RSRC1: variants seen among roughly 807,000 people sequenced by gnomAD.
RSRC1 encodes the protein arginine and serine rich coiled-coil 1, also known as serine/Arginine-related protein 53.
RSRC1 carries 39 observed loss-of-function variants against 49.1 expected under a neutral mutation model. The ratio of observed to expected loss-of-function variants is 0.79; its 90% CI spans 0.61 to 1.04. The LOEUF (loss-of-function observed/expected upper bound fraction) is 1.04. Ranked by LOEUF, RSRC1 falls within the 50% of genes least tolerant of loss-of-function variation. The pLI is 0.00. For synonymous variants in RSRC1, 143 were observed against 130.8 expected, an observed-to-expected ratio of 1.09 and a Z score of -0.63; for missense variants, 388 against 402.4, an observed-to-expected ratio of 0.96 and a Z score of 0.31.
chr3:158,520,652 C>T (rs1711604400), intron 7 of RSRC1, among the ~76,000 whole-genome samples: 1 of 152,140 alleles, frequency 6.6e-6, no homozygotes, highest in Non-Finnish European at 1.5e-5. Context: ...ATCTGGCTGA[C>T]AGGATCAAGC....
At chr3:158,330,227 C>T (rs912365332) in intron 5 of RSRC1, among the ~76,000 whole-genome samples, 1 of 152,184 alleles carries the variant, frequency 6.6e-6, no homozygotes, top group Non-Finnish European at 1.5e-5. Context: ...ACTAGGTGGA[C>T]TGCACCCACT....
chr3:158,133,615 A>G (rs1016750785), intron 3 of RSRC1, among the ~76,000 whole-genome samples: 2 of 152,216 alleles, frequency 1.3e-5, no homozygotes, highest in Admixed American at 6.5e-5. Flanking sequence ...AAATGCAGGC[A>G]TATCTTCAGT....
chr3:158,313,964 A>G (rs886339376), intron 5 of RSRC1, among the ~76,000 whole-genome samples: 1 of 152,208 alleles, frequency 6.6e-6, no homozygotes, highest in African/African-American at 2.4e-5. Flanking sequence ...GACAAAAAAG[A>G]TCTCTAAACA....
At chr3:158,498,108 A>G (rs1368184346) in intron 7 of RSRC1, among the ~76,000 whole-genome samples, 2 of 152,202 alleles carry the variant, frequency 1.3e-5, no homozygotes, top group Non-Finnish European at 2.9e-5. Flanking sequence ...TTGCTGGATC[A>G]AATGGTAGTT....
chr3:158,452,897 T>G (rs115094888), intron 6 of RSRC1, among the ~76,000 whole-genome samples: 3,548 of 152,266 alleles, frequency 0.023, 61 homozygotes, highest in Middle Eastern at 0.044. Flanking sequence ...CACATTCTAG[T>G]TAGGCAAGTA....
chr3:158,195,130 G>C (rs554667454), intron 3 of RSRC1, among the ~76,000 whole-genome samples: 14 of 152,166 alleles, frequency 9.2e-5, no homozygotes, highest in African/African-American at 3.1e-4. Context: ...TAAAAGTGTT[G>C]CTGTTTCTCC....
At chr3:158,302,114 A>C (rs1221843788) in intron 5 of RSRC1, among the ~76,000 whole-genome samples, 1 of 144,326 alleles carries the variant, frequency 6.9e-6, no homozygotes, top group African/African-American at 2.6e-5. Flanking sequence ...CATTATATTT[A>C]TTGTGTTTCT....
intron 4 of RSRC1, chr3:158,276,141 A>G (rs1725796089): frequency 2.2e-6 from 2 of 928,152 alleles, no homozygotes; most frequent in Admixed American, 3.4e-5. Context: ...GCTGTGAGCA[A>G]ACTTTAGCTG....
chr3:158,313,688 A>C (rs573720913), intron 5 of RSRC1, among the ~76,000 whole-genome samples: 2 of 152,376 alleles, frequency 1.3e-5, no homozygotes, highest in East Asian at 3.9e-4. Context: ...AATTTAATCA[A>C]ATATGCCAAC....
intron 6 of RSRC1, among the ~76,000 whole-genome samples, chr3:158,383,500 A>G (rs911258575): frequency 6.7e-5 from 10 of 148,760 alleles, no homozygotes; most frequent in African/African-American, 2.4e-4. Flanking sequence ...GCTGACTAAC[A>G]AGGGAAAATA....
chr3:158,502,792 A>T (rs1739663233), intron 7 of RSRC1, among the ~76,000 whole-genome samples: 1 of 151,742 alleles, frequency 6.6e-6, no homozygotes, highest in Non-Finnish European at 1.5e-5. Flanking sequence ...ATTTCCTTGC[A>T]TTGGGTTTGC....
At chr3:158,156,166 C>T (rs1358385089) in intron 3 of RSRC1, among the ~76,000 whole-genome samples, 1 of 151,894 alleles carries the variant, frequency 6.6e-6, no homozygotes, top group Non-Finnish European at 1.5e-5. Context: ...TCTATCAGCA[C>T]GTACTGCTTC....
intron 5 of RSRC1, among the ~76,000 whole-genome samples, chr3:158,317,750 G>A (rs1464700566): frequency 6.6e-6 from 1 of 151,668 alleles, no homozygotes; most frequent in African/African-American, 2.4e-5. Flanking sequence ...AGTAGAGACA[G>A]GGTCTCACCA....
chr3:158,544,339 C>T lies in RSRC1; in HGVS notation c.*64C>T. On this transcript the variant is annotated 3_prime_UTR_variant, in exon 10 of 10. Coordinates refer to ENST00000611884, the MANE Select transcript of RSRC1 (RefSeq NM_001271838.2). ...CATTGGAAATTTAGGTTTTTAAATCCCAATATTAACTTTTTACTCTTAAAA... is the reference window on the plus strand; with the variant it reads ...CATTGGAAATTTAGGTTTTTAAATCTCAATATTAACTTTTTACTCTTAAAA... 2 of 1,029,750 alleles carry T rather than the reference C, an allele frequency of 1.9e-6. No homozygotes were observed. The highest frequency in any genetic ancestry group is 2.9e-6 in the Non-Finnish European group (2 of 697,950). 63.8% of individuals were successfully genotyped at this position (1,029,750 alleles called of 1,614,324 possible). A position where few individuals can be genotyped will look rare whatever the true frequency, so the allele number is the denominator to read the frequency against.
intron 4 of RSRC1, among the ~76,000 whole-genome samples, chr3:158,277,985 A>C (rs1318514296): frequency 6.6e-6 from 1 of 152,136 alleles, no homozygotes; most frequent in Non-Finnish European, 1.5e-5. Context: ...GCTGAAGCTA[A>C]AAGTGGTTTA....
intron 5 of RSRC1, among the ~76,000 whole-genome samples, chr3:158,339,194 A>C (rs1036570496): frequency 9.9e-4 from 147 of 147,962 alleles, no homozygotes; most frequent in African/African-American, 3.4e-3. Context: ...CTGGAGGCTG[A>C]GGCAGGAGAA....
chr3:158,283,353 A>G (rs1309382868), intron 4 of RSRC1, among the ~76,000 whole-genome samples: 1 of 152,198 alleles, frequency 6.6e-6, no homozygotes, highest in Non-Finnish European at 1.5e-5. Context: ...TTTAGAAAAC[A>G]TATAAACAAT....
intron 7 of RSRC1, among the ~76,000 whole-genome samples, chr3:158,523,909 A>G (rs975158926): frequency 7.9e-5 from 12 of 152,080 alleles, no homozygotes; most frequent in African/African-American, 2.7e-4. Context: ...CAGAAAGCTA[A>G]CAAGAAAATG....
intron 5 of RSRC1, among the ~76,000 whole-genome samples, chr3:158,345,024 G>T (rs1730466602): frequency 6.6e-6 from 1 of 151,790 alleles, no homozygotes; most frequent in African/African-American, 2.4e-5. Context: ...TTTGAGACCA[G>T]TCTGGCCAAC....
Sources: allele counts gnomAD v4.1 joint callset (sites outside exome capture counted in the v4.1 genomes callset), GRCh38; gene constraint gnomAD v4.1.1; transcripts MANE v1.5; gene names NCBI Gene and HGNC (gene_info 2026-07-23, HGNC 2026-07-21).